The following TRDMT1 variants were observed in gnomAD, a reference collection of about 807,000 sequenced individuals.
TRDMT1 encodes tRNA aspartic acid methyltransferase 1.
TRDMT1 carries 49 observed loss-of-function variants against 51.2 expected under a neutral mutation model. The ratio of observed to expected loss-of-function variants is 0.96; its 90% CI spans 0.76 to 1.21. The LOEUF is 1.21. Ranked by LOEUF, TRDMT1 falls within the 50% of genes most tolerant of loss-of-function variation. The pLI, the probability that TRDMT1 is intolerant of heterozygous loss-of-function variation, is 0.00. For synonymous variants in TRDMT1, 187 were observed against 164.6 expected, an observed-to-expected ratio of 1.14 and a Z score of -1.04; for missense variants, 534 against 462.3, an observed-to-expected ratio of 1.16 and a Z score of -1.42.
chr10:17,143,787 G>A lies in TRDMT1; in HGVS notation c.*5253C>T. The A allele has an allele frequency of 2.0e-6, 2 of 985,420 alleles. No homozygotes were observed. Among genetic ancestry groups the A allele is most frequent in the Non-Finnish European group, 2.4e-6 (2 of 829,936 alleles). 61.0% of individuals were successfully genotyped at this position (985,420 alleles called of 1,614,324 possible). A position where few individuals can be genotyped will look rare whatever the true frequency, so the allele number is the denominator to read the frequency against. On this transcript the variant is annotated 3_prime_UTR_variant, in exon 11 of 11. Transcript: ENST00000377799. ...CAATGGAATGCAGAGTGAGAAGGAA[G>A]GTGAAGATGATCTTTGGTTATGAAG... is the stretch of plus-strand genomic sequence containing the variant.
At chr10:17,163,378 A>G (rs1297701912) in intron 3 of TRDMT1, among the ~76,000 whole-genome samples, 1 of 152,212 alleles carries the variant, frequency 6.6e-6, no homozygotes, top group Non-Finnish European at 1.5e-5. Context: ...GCATGTGTAT[A>G]GAGGGAAATT....
rs191564695 is a variant in TRDMT1 at position 17,166,888 on chromosome 10, C to T, written c.251+1953G>A. On this transcript the variant is annotated intron_variant, in intron 3 of 10. Coordinates refer to ENST00000377799, the MANE Select transcript of TRDMT1 (RefSeq NM_004412.7). ...TGCTCACTGTACTCCACAGGCCACA[C>T]TCTTGCACGTGCCTAGAGCCACCCT... Among the ~76,000 whole-genome samples the T allele has an allele frequency of 3.5e-3, 532 of 152,292 alleles. 2 individuals are homozygous for T. Among genetic ancestry groups the T allele is most frequent in the Middle Eastern group, 0.024 (7 of 294 alleles).
Position 17,139,587 on chromosome 10 carries a change from C to T in TRDMT1, c.*9453G>A, listed in dbSNP as rs142757787. ...ACCTGGCACTCTTCAGACTCTGCCT[C>T]TTGTACCTTTAATTGGGAAGATAGA... On this transcript the variant is annotated 3_prime_UTR_variant, in exon 11 of 11. Transcript: ENST00000377799. 3.9e-4 allele frequency among the ~76,000 whole-genome samples: 59 copies of T among 152,280 alleles called. No individual in the cohort carries two copies. The highest frequency in any genetic ancestry group is 7.8e-4 in the Non-Finnish European group (53 of 68,024).
At chr10:17,171,748 C>T (rs1588591949) in intron 2 of TRDMT1, 5 of 152,352 alleles carry the variant, frequency 3.3e-5, no homozygotes, top group Admixed American at 3.3e-4. Context: ...ACATTTTCAG[C>T]TATTTTCTAA....
Position 17,157,455 on chromosome 10 carries a change from C to T in TRDMT1, c.873G>A (p.Val291=), listed in dbSNP as rs542664811. The T allele has an allele frequency of 1.2e-6, 2 of 1,607,096 alleles. No homozygotes were observed. Among genetic ancestry groups the T allele is most frequent in the Admixed American group, 1.7e-5 (1 of 59,844 alleles). Residue 291 remains valine, a synonymous_variant, in exon 8 of 11, where the codon GTG becomes GTA. Transcript: ENST00000377799. ...DIVQPTCRRS[V]CFTKGYGSYI... is the part of the protein sequence containing the mutation. ...TTAAAACCTACCCTTTGGTAAAGCA[C>T]ACGGACCTTCTACAAGTGGGCTGAA...
At chr10:17,161,314 G>T (rs1368860908) in intron 5 of TRDMT1, among the ~76,000 whole-genome samples, 169 bp downstream of exon 5, 1 of 152,138 alleles carries the variant, frequency 6.6e-6, no homozygotes, top group African/African-American at 2.4e-5. Flanking sequence ...AATACTTATT[G>T]TAATACTTAC....
At chr10:17,170,749 A>T (rs1214479375) in intron 2 of TRDMT1, among the ~76,000 whole-genome samples, 1 of 152,144 alleles carries the variant, frequency 6.6e-6, no homozygotes, top group Admixed American at 6.5e-5. Context: ...AGTTATATAG[A>T]TTTCTTGTTA....
At position 17,144,032 on chromosome 10, in the gene TRDMT1, T is replaced by A. The variant is rs1157958500; in HGVS notation, c.*5008A>T. On this transcript the variant is annotated 3_prime_UTR_variant, in exon 11 of 11. Transcript: ENST00000377799. ...CAGATTTAGAGTCATCTGGGTGTCATCGGCAAAATGGCTGAAGTTGTAGGA... is the reference window on the plus strand; with the variant it reads ...CAGATTTAGAGTCATCTGGGTGTCAACGGCAAAATGGCTGAAGTTGTAGGA... The A allele has an allele frequency of 2.0e-6, 2 of 985,400 alleles. No individual in the cohort carries two copies. The highest frequency in any genetic ancestry group is 2.4e-6 in the Non-Finnish European group (2 of 829,938). The allele number at this position is 985,400 out of a possible 1,614,324, so 61.0% of individuals were successfully genotyped here. A position where few individuals can be genotyped will look rare whatever the true frequency, so the allele number is the denominator to read the frequency against.
intron 9 of TRDMT1, among the ~76,000 whole-genome samples, 155 bp from the exon 10 acceptor site, chr10:17,153,791 A>G (rs976172507): frequency 3.3e-5 from 5 of 152,246 alleles, no homozygotes; most frequent in African/African-American, 9.6e-5. Context: ...AATAGACTAC[A>G]TATTGGCTCA....
At chr10:17,161,455 T>A in intron 5 of TRDMT1, 28 bp downstream of exon 5, 1 of 1,348,930 alleles carries the variant, frequency 7.4e-7, no homozygotes. Flanking sequence ...AAGTCTAAGA[T>A]GTATGCAAGA....
intron 2 of TRDMT1, among the ~76,000 whole-genome samples, chr10:17,174,219 C>A (rs1346037638): frequency 6.6e-6 from 1 of 152,150 alleles, no homozygotes; most frequent in Non-Finnish European, 1.5e-5. Flanking sequence ...TTACTGCATG[C>A]TATATATATT....
Position 17,148,944 on chromosome 10 carries a change from T to C in TRDMT1, c.*96A>G. ...ATAAGGACAGATTAAAATAATTTAG[T>C]TAAATTTCACCAGAATTAGTTCAAA... is the stretch of plus-strand genomic sequence containing the variant. On this transcript the variant is annotated 3_prime_UTR_variant, in exon 11 of 11. Transcript: ENST00000377799. 1 of 1,396,708 alleles carries C rather than the reference T, an allele frequency of 7.2e-7. No individual in the cohort carries two copies. The highest frequency in any genetic ancestry group is 1.7e-5 in the South Asian group (1 of 60,570). 86.5% of individuals were successfully genotyped at this position (1,396,708 alleles called of 1,614,324 possible). A position where few individuals can be genotyped will look rare whatever the true frequency, so the allele number is the denominator to read the frequency against.
intron 1 of TRDMT1, among the ~76,000 whole-genome samples, chr10:17,192,293 A>T (rs1437417560): frequency 6.6e-6 from 1 of 152,140 alleles, no homozygotes. Flanking sequence ...AGGTTACAAG[A>T]GTGGCAAGTT....
At chr10:17,152,808 GA>G (rs1390702443) in intron 10 of TRDMT1, 2 of 152,530 alleles carry the variant, frequency 1.3e-5, no homozygotes, top group African/African-American at 4.8e-5. Flanking sequence ...ACTGCCAATG[GA>G]ATTAGGCCTT....
At position 17,160,487 on chromosome 10, in the gene TRDMT1, T is replaced by A. The variant is rs764836324; in HGVS notation, c.390-113A>T. ...TTGTTTTCTTGTTTTTTTGGTTTTTTTTGAGACAGAGTCTCACTCTGTTGC... is the reference window on the plus strand; with the variant it reads ...TTGTTTTCTTGTTTTTTTGGTTTTTATTGAGACAGAGTCTCACTCTGTTGC... On this transcript the variant is annotated intron_variant, in intron 5 of 10. Transcript: ENST00000377799. 411 of 674,924 alleles carry A rather than the reference T, an allele frequency of 6.1e-4. 2 individuals carry two copies. Among genetic ancestry groups the A allele is most frequent in the Non-Finnish European group, 4.7e-4 (210 of 442,988 alleles). 41.8% of individuals were successfully genotyped at this position (674,924 alleles called of 1,614,324 possible). A position where few individuals can be genotyped will look rare whatever the true frequency, so the allele number is the denominator to read the frequency against.
At chr10:17,200,314 C>T (rs1242936928) in intron 1 of TRDMT1, among the ~76,000 whole-genome samples, 2 of 152,178 alleles carry the variant, frequency 1.3e-5, no homozygotes, top group Non-Finnish European at 2.9e-5. Flanking sequence ...AAAACGCGGA[C>T]ATTATATCAC....
At chr10:17,167,123 C>G (rs1841327453) in intron 3 of TRDMT1, among the ~76,000 whole-genome samples, 2 of 152,024 alleles carry the variant, frequency 1.3e-5, no homozygotes, top group Non-Finnish European at 2.9e-5. Context: ...TCAGCCATTC[C>G]CATTAGACTA....
At chr10:17,185,403 TA>T (rs1331445859) in intron 1 of TRDMT1, among the ~76,000 whole-genome samples, 1 of 148,190 alleles carries the variant, frequency 6.7e-6, no homozygotes, top group Non-Finnish European at 1.5e-5. Context: ...TGGCGATCAT[TA>T]AAAAGTCAGG....
rs1837508066 is a variant in TRDMT1, at chr10:17,139,051, A to T, written c.*9989T>A. 2.1e-6 allele frequency: 1 copy of T among 480,470 alleles called. No individual in the cohort carries two copies. Among genetic ancestry groups the T allele is most frequent in the African/African-American group, 2.1e-5 (1 of 47,206 alleles). The allele number at this position is 480,470 out of a possible 1,614,324, so 29.8% of individuals were successfully genotyped here. A position where few individuals can be genotyped will look rare whatever the true frequency, so the allele number is the denominator to read the frequency against. ...TAAAGGCTCCAAAAGCTAGTAAAAA[A>T]ATCAACAGAGCTTTCTCTACCTCCA... On this transcript the variant is annotated 3_prime_UTR_variant, in exon 11 of 11. Coordinates refer to ENST00000377799, the MANE Select transcript of TRDMT1 (RefSeq NM_004412.7).
Sources: allele counts gnomAD v4.1 joint callset (sites outside exome capture counted in the v4.1 genomes callset), GRCh38; gene constraint gnomAD v4.1.1; transcripts MANE v1.5; gene names NCBI Gene and HGNC (gene_info 2026-07-23, HGNC 2026-07-21).